Variants in CASP9 observed in about 807,000 individuals in gnomAD.
The protein encoded by CASP9 is caspase-9.
A neutral mutation model predicts 43.5 loss-of-function variants in CASP9; 29 were observed. The ratio of observed to expected loss-of-function variants is 0.67; its 90% CI spans 0.50 to 0.91. The LOEUF is 0.91. Among genes scored for constraint, CASP9 ranks in the 40% least tolerant of loss-of-function variants. The pLI is 0.00. For synonymous variants in CASP9, 206 were observed against 211.9 expected (o/e 0.97, Z 0.24); for missense variants, 575 against 537.4 (o/e 1.07, Z -0.69).
chr1:15,503,758 G>A lies in CASP9; in HGVS notation c.868+853C>T, dbSNP rs532165078. On this transcript the variant is annotated intron_variant, in intron 6 of 8. Transcript: ENST00000333868. ...TGGTATAACAGTGCTCACTTCTCTG[G>A]CAGATCAGGCTGGAGGCAAGGAACT... Among the ~76,000 whole-genome samples, 7 of 152,272 alleles carry A rather than the reference G, an allele frequency of 4.6e-5. No homozygotes were observed. In the South Asian group the frequency reaches 1.2e-3, roughly 27 times the overall value.
At chr1:15,493,428 G>A in intron 8 of CASP9, 1 of 1,248,388 alleles carries the variant, frequency 8.0e-7, no homozygotes, top group East Asian at 3.7e-5. Context: ...GAGTAGGACT[G>A]GGCCTATCAG....
chr1:15,495,473 C>T (rs772955501), intron 6 of CASP9, 21 bp from the exon 7 acceptor site: 3 of 1,545,686 alleles, frequency 1.9e-6, no homozygotes, highest in African/African-American at 1.4e-5. Flanking sequence ...CAGAAACAAA[C>T]ACCTCTTGTC....
upstream of CASP9, chr1:15,524,707 C>T (rs1710381903): frequency 1.9e-6 from 2 of 1,053,238 alleles, no homozygotes; most frequent in South Asian, 5.3e-5. Context: ...CCGCGCCTCG[C>T]CCTGTCCCCA....
chr1:15,520,273 G>A (rs963898876), intron 1 of CASP9, among the ~76,000 whole-genome samples: 9 of 152,148 alleles, frequency 5.9e-5, no homozygotes, highest in African/African-American at 2.2e-4. Flanking sequence ...GTACAACTGA[G>A]GAACTGAATT....
Position 15,518,146 on chromosome 1 carries a change from G to A in CASP9, c.382C>T (p.Pro128Ser). 1 of 1,614,200 alleles carries A rather than the reference G, an allele frequency of 6.2e-7. No individual in the cohort carries two copies. Among genetic ancestry groups the A allele is most frequent in the Non-Finnish European group, 8.5e-7 (1 of 1,180,036 alleles). ...PEVLRPETPR[P>S]VDIGSGGFGD... is the part of the protein sequence containing the mutation. ...AATCCTCCAGAACCAATGTCCACTG[G>A]TCTGGGTGTTTCCGGTCTGAGAACC... The change falls in exon 2 of 9, where the codon CCA becomes TCA. Residue 128 changes from proline (P) to serine (S), a missense_variant. Physicochemically the swap from Pro to Ser is moderately conservative, Grantham distance 74 (BLOSUM62 -1). Transcript: ENST00000333868.
intron 1 of CASP9, among the ~76,000 whole-genome samples, chr1:15,522,808 G>A (rs1014825556): frequency 2.0e-5 from 3 of 152,170 alleles, no homozygotes; most frequent in African/African-American, 2.4e-5. Flanking sequence ...CCACTATGAC[G>A]CCCATCCATT....
chr1:15,524,554 C>A, upstream of CASP9: 5 of 473,662 alleles, frequency 1.1e-5, no homozygotes, highest in South Asian at 2.8e-5. Flanking sequence ...GTCCCCGCCC[C>A]AGAACCCGCC....
intron 6 of CASP9, among the ~76,000 whole-genome samples, chr1:15,500,279 T>G (rs967866463): frequency 6.6e-6 from 1 of 152,118 alleles, no homozygotes; most frequent in Non-Finnish European, 1.5e-5. Context: ...CCTGATGCCA[T>G]CAGGGAGAAC....
chr1:15,508,933 C>T (rs1018727841), intron 2 of CASP9, among the ~76,000 whole-genome samples: 1 of 152,186 alleles, frequency 6.6e-6, no homozygotes, highest in African/African-American at 2.4e-5. Flanking sequence ...GTAGAGAACC[C>T]ATCTGCATAA....
intron 4 of CASP9, among the ~76,000 whole-genome samples, chr1:15,506,385 G>A (rs1413075575): frequency 6.6e-6 from 1 of 152,102 alleles, no homozygotes; most frequent in Non-Finnish European, 1.5e-5. Context: ...GAACCTGGGA[G>A]GTGGAGGTTG....
upstream of CASP9, chr1:15,524,596 C>G: frequency 1.4e-6 from 1 of 713,854 alleles, no homozygotes; most frequent in Non-Finnish European, 1.6e-6. Flanking sequence ...ACGTCACCGC[C>G]CCGCCCCCGC....
intron 1 of CASP9, among the ~76,000 whole-genome samples, chr1:15,521,623 A>T (rs1207246181): frequency 1.3e-5 from 2 of 152,196 alleles, no homozygotes; most frequent in Non-Finnish European, 2.9e-5. Context: ...TCCTATGATC[A>T]CGTGACTTGC....
At chr1:15,495,175 G>T in intron 7 of CASP9, 98 bp downstream of exon 7, 1 of 1,130,786 alleles carries the variant, frequency 8.8e-7, no homozygotes, top group Non-Finnish European at 1.3e-6. Flanking sequence ...GACAGAACCA[G>T]GACTCATACC....
intron 6 of CASP9, among the ~76,000 whole-genome samples, chr1:15,504,177 C>T (rs1374785557): frequency 1.3e-5 from 2 of 152,192 alleles, no homozygotes; most frequent in Non-Finnish European, 2.9e-5. Context: ...CCCACAACTA[C>T]ACTTTTGAAA....
At chr1:15,501,649 C>A (rs753343475) in intron 6 of CASP9, among the ~76,000 whole-genome samples, 1 of 152,208 alleles carries the variant, frequency 6.6e-6, no homozygotes, top group Non-Finnish European at 1.5e-5. Context: ...AGCAAGGACC[C>A]GACTCCAAAG....
Position 15,492,878 on chromosome 1 carries a change from C to A in CASP9, c.*65G>T. 1.3e-6 allele frequency: 2 copies of A among 1,597,800 alleles called. No individual in the cohort carries two copies. Among genetic ancestry groups the A allele is most frequent in the Non-Finnish European group, 1.7e-6 (2 of 1,175,806 alleles). ...GTTGCAGGAAAGTCCAGGCCTCAGC[C>A]TCTTTCAGGCCTGGGGCAGGAAAGC... On this transcript the variant is annotated 3_prime_UTR_variant, in exon 9 of 9. Transcript: ENST00000333868.
At chr1:15,507,742 A>G (rs975293797) in intron 3 of CASP9, 131 bp downstream of exon 3, 22 of 802,552 alleles carry the variant, frequency 2.7e-5, no homozygotes, top group Non-Finnish European at 4.4e-5. Context: ...GGAGGCTGAG[A>G]CCAGACCCCC....
At chr1:15,524,706 G>T (rs1166908652), upstream of CASP9, 21 of 1,014,868 alleles carry the variant, frequency 2.1e-5, no homozygotes, top group Admixed American at 8.3e-5. Context: ...TCCGCGCCTC[G>T]CCCTGTCCCC....
intron 1 of CASP9, among the ~76,000 whole-genome samples, chr1:15,521,704 G>T (rs1387283133): frequency 6.6e-6 from 1 of 151,864 alleles, no homozygotes; most frequent in Non-Finnish European, 1.5e-5. Context: ...CAATAACAGC[G>T]CAGCCAGGCA....
Sources: allele counts gnomAD v4.1 joint callset (sites outside exome capture counted in the v4.1 genomes callset), GRCh38; gene constraint gnomAD v4.1.1; transcripts MANE v1.5; gene names NCBI Gene and HGNC (gene_info 2026-07-23, HGNC 2026-07-21).